ERBIN: variants seen among roughly 807,000 people sequenced by gnomAD.
ERBIN encodes the protein erbb2 interacting protein, also known as densin-180-like protein.
ERBIN carries 60 observed loss-of-function variants against 158.4 expected under a neutral mutation model. The ratio of observed to expected loss-of-function variants is 0.38; its 90% CI spans 0.31 to 0.47. The LOEUF (loss-of-function observed/expected upper bound fraction) is 0.47, where lower values mean the gene tolerates loss of function less well. Among genes scored for constraint, ERBIN ranks in the 20% least tolerant of loss-of-function variants. ERBIN has a pLI of 0.99. For synonymous variants in ERBIN, 594 were observed against 557.2 expected, an observed-to-expected ratio of 1.07 and a Z score of -0.93; for missense variants, 1,610 against 1,648.0, an observed-to-expected ratio of 0.98 and a Z score of 0.40.
rs1192322979 is a variant in ERBIN, at chr5:65,999,750, C to T, written c.307+4886C>T. Among the ~76,000 whole-genome samples, 6 of 152,102 alleles carry T rather than the reference C, an allele frequency of 3.9e-5. No homozygotes were observed. In the South Asian group the frequency reaches 1.2e-3, roughly 32 times the overall value. Reference sequence around the variant, plus strand: ...TATTCCTCTCATTATTTTATTCAGGCTAAATGTCTGCCGTTTCAGACTTTT... The same window carrying T: ...TATTCCTCTCATTATTTTATTCAGGTTAAATGTCTGCCGTTTCAGACTTTT... On this transcript the variant is annotated intron_variant, in intron 4 of 25. Transcript: ENST00000284037.
chr5:66,065,014 T>A (rs1760836858), intron 21 of ERBIN, among the ~76,000 whole-genome samples: 1 of 152,188 alleles, frequency 6.6e-6, no homozygotes, highest in Non-Finnish European at 1.5e-5. Flanking sequence ...CAATATTTTT[T>A]TAAAGTTCTG....
chr5:65,990,046 T>C (rs1036085714), intron 2 of ERBIN, among the ~76,000 whole-genome samples: 1 of 152,238 alleles, frequency 6.6e-6, no homozygotes, highest in African/African-American at 2.4e-5. Context: ...TAAACAAAGA[T>C]TGTTACTAAG....
intron 14 of ERBIN, among the ~76,000 whole-genome samples, chr5:66,035,340 A>G (rs75937739): frequency 2.6e-4 from 39 of 152,234 alleles, no homozygotes; most frequent in African/African-American, 9.1e-4. Context: ...TTCTGCCCCA[A>G]ATATATTTCC....
chr5:65,993,290 A>T (rs900120536), intron 3 of ERBIN, among the ~76,000 whole-genome samples: 2 of 152,188 alleles, frequency 1.3e-5, no homozygotes, highest in Non-Finnish European at 2.9e-5. Context: ...ATTGAGGGCA[A>T]TTGTCCTTTT....
intron 21 of ERBIN, among the ~76,000 whole-genome samples, chr5:66,065,468 C>T (rs1760874797): frequency 6.6e-6 from 1 of 151,942 alleles, no homozygotes; most frequent in Non-Finnish European, 1.5e-5. Flanking sequence ...AACATTTGTA[C>T]CTAGATTTTA....
At chr5:66,055,237 C>T (rs940265109) in intron 21 of ERBIN, 7 of 432,596 alleles carry the variant, frequency 1.6e-5, no homozygotes, top group African/African-American at 1.0e-4. Flanking sequence ...TAAAAATACA[C>T]GTACCTCTGT....
intron 1 of ERBIN, among the ~76,000 whole-genome samples, chr5:65,956,150 C>T (rs966222166): frequency 6.6e-6 from 1 of 151,930 alleles, no homozygotes; most frequent in African/African-American, 2.4e-5. Context: ...TAGAATGTGG[C>T]TGTTGTTAGA....
chr5:66,079,232 C>T lies in ERBIN; in HGVS notation c.*702C>T, dbSNP rs1030582075. 2 of 152,510 alleles carry T rather than the reference C, an allele frequency of 1.3e-5. No individual in the cohort carries two copies. The highest frequency in any genetic ancestry group is 1.5e-5 in the Non-Finnish European group (1 of 68,012). 9.4% of individuals were successfully genotyped at this position (152,510 alleles called of 1,614,324 possible). A position where few individuals can be genotyped will look rare whatever the true frequency, so the allele number is the denominator to read the frequency against. On this transcript the variant is annotated 3_prime_UTR_variant, in exon 26 of 26. Coordinates refer to ENST00000284037, the MANE Select transcript of ERBIN (RefSeq NM_001253697.2). ...AAGACAATAATTGCATTTATGAGCT[C>T]GGCAGGATCTGTTCTTGTCATAGCC...
At chr5:66,051,907 A>AAAAAAAAAAAAAAAAAAAAAAG (rs1554065281) in intron 20 of ERBIN, among the ~76,000 whole-genome samples, 14 of 148,878 alleles carry the variant, frequency 9.4e-5, no homozygotes, top group African/African-American at 3.6e-4. Flanking sequence ...AAAAAAAAAA[A>AAAAAAAAAAAAAAAAAAAAAAG]AGAGACAGAT....
chr5:65,975,772 TTGGTAGCTGTAGAGAGAGATG>T (rs1244782383), intron 1 of ERBIN, among the ~76,000 whole-genome samples: 1 of 152,128 alleles, frequency 6.6e-6, no homozygotes, highest in Non-Finnish European at 1.5e-5. Flanking sequence ...GAGTAATGGG[TTGGTAGCTGTAGAGAGAGATG>T]TGGTTTCAGG....
At chr5:65,949,113 A>ATGT (rs1746180756) in intron 1 of ERBIN, among the ~76,000 whole-genome samples, 1 of 152,098 alleles carries the variant, frequency 6.6e-6, no homozygotes, top group Non-Finnish European at 1.5e-5. Flanking sequence ...TATGTTTAGT[A>ATGT]TCATATTAAG....
intron 23 of ERBIN, 87 bp downstream of exon 23, chr5:66,075,317 G>T (rs1366655034): frequency 9.5e-6 from 10 of 1,052,150 alleles, no homozygotes; most frequent in Non-Finnish European, 1.4e-5. Context: ...AATCCATACA[G>T]AATATTAACG....
intron 21 of ERBIN, among the ~76,000 whole-genome samples, chr5:66,060,283 A>C (rs900542500): frequency 2.0e-5 from 3 of 152,094 alleles, no homozygotes; most frequent in Non-Finnish European, 4.4e-5. Context: ...GTTATGTGTC[A>C]AGGAATTTAT....
Position 66,053,744 on chromosome 5 carries a change from AT to A in ERBIN, c.2427del (p.Asn809LysfsTer11). On this transcript the variant is annotated frameshift_variant, in exon 21 of 26. Coordinates refer to ENST00000284037, the MANE Select transcript of ERBIN (RefSeq NM_001253697.2). LOFTEE classifies it high-confidence loss of function. ...AAAGAGGAAACTGAGCACTTGGAAA[AT>A]GGAAACAAGTATCCTAATTTGGAAT... is the stretch of plus-strand genomic sequence containing the variant. ...NSKEETEHLE[N>X]GNKYPNLESV... 1 of 1,613,810 alleles carries A rather than the reference AT, an allele frequency of 6.2e-7. No homozygotes were observed. Among genetic ancestry groups the A allele is most frequent in the Non-Finnish European group, 8.5e-7 (1 of 1,179,994 alleles).
At chr5:65,954,794 G>A (rs968849303) in intron 1 of ERBIN, among the ~76,000 whole-genome samples, 2 of 151,838 alleles carry the variant, frequency 1.3e-5, no homozygotes, top group Admixed American at 6.6e-5. Flanking sequence ...GGCCAGGTGC[G>A]ATGGCTCACA....
At chr5:65,977,890 TC>T (rs1456772949) in intron 1 of ERBIN, among the ~76,000 whole-genome samples, 1 of 150,914 alleles carries the variant, frequency 6.6e-6, no homozygotes, top group Non-Finnish European at 1.5e-5. Context: ...TGAACGAGAC[TC>T]CGTCTGCAAT....
chr5:66,000,800 A>G (rs914431451), intron 4 of ERBIN, among the ~76,000 whole-genome samples: 1 of 152,288 alleles, frequency 6.6e-6, no homozygotes, highest in Admixed American at 6.5e-5. Context: ...TTCATTGTTC[A>G]TAACAAGGCT....
intron 1 of ERBIN, among the ~76,000 whole-genome samples, chr5:65,946,940 G>A (rs780168109): frequency 4.0e-5 from 6 of 151,394 alleles, no homozygotes; most frequent in Non-Finnish European, 8.8e-5. Flanking sequence ...CATATCTGTT[G>A]CCCATTTTCT....
intron 20 of ERBIN, among the ~76,000 whole-genome samples, chr5:66,051,246 T>C (rs904899818): frequency 1.3e-5 from 2 of 152,134 alleles, no homozygotes; most frequent in African/African-American, 2.4e-5. Context: ...AACAGCATAT[T>C]TGAGGTAATT....
Sources: allele counts gnomAD v4.1 joint callset (sites outside exome capture counted in the v4.1 genomes callset), GRCh38; gene constraint gnomAD v4.1.1; transcripts MANE v1.5; gene names NCBI Gene and HGNC (gene_info 2026-07-23, HGNC 2026-07-21).